Variants in PTPRD observed in about 807,000 individuals in gnomAD.
PTPRD encodes protein tyrosine phosphatase receptor type D.
In PTPRD, 34 loss-of-function variants were observed where a neutral mutation model predicts 214.5. The ratio of observed to expected loss-of-function variants is 0.16; its 90% CI spans 0.12 to 0.21. The LOEUF (loss-of-function observed/expected upper bound fraction) is 0.21, where lower values mean the gene tolerates loss of function less well. PTPRD is among the 10% of genes least tolerant of loss of function. The probability of loss-of-function intolerance (pLI) is 1.00; values close to 1 mark genes in which losing one functional copy is unlikely to be tolerated. For missense variants in PTPRD, 2,545 were observed against 2,398.7 expected, an observed-to-expected ratio of 1.06 and a Z score of -1.27; for synonymous variants, 1,128 against 845.7, an observed-to-expected ratio of 1.33 and a Z score of -5.79.
intron 11 of PTPRD, among the ~76,000 whole-genome samples, chr9:8,959,717 C>T (rs1378855471): frequency 6.6e-6 from 1 of 151,984 alleles, no homozygotes. Flanking sequence ...CTTTGGAAAG[C>T]AGCTATATTT....
At chr9:10,578,047 G>C (rs912572973) in intron 2 of PTPRD, among the ~76,000 whole-genome samples, 1 of 151,952 alleles carries the variant, frequency 6.6e-6, no homozygotes, top group African/African-American at 2.4e-5. Flanking sequence ...AAGTAGCTGG[G>C]ATTACAGGTG....
chr9:10,494,521 G>C (rs781639334), intron 2 of PTPRD, among the ~76,000 whole-genome samples: 19 of 151,614 alleles, frequency 1.3e-4, no homozygotes, highest in African/African-American at 3.6e-4. Flanking sequence ...CAAGAGGTCA[G>C]ATGACTTGAT....
At chr9:10,121,894 T>A (rs570351163) in intron 3 of PTPRD, among the ~76,000 whole-genome samples, 1 of 152,194 alleles carries the variant, frequency 6.6e-6, no homozygotes, top group Admixed American at 6.5e-5. Context: ...CACTCTGACT[T>A]TGACTACAAT....
At position 9,156,816 on chromosome 9, in the gene PTPRD, G is replaced by C. The variant is rs116894944; in HGVS notation, c.-143+26488C>G. Among the ~76,000 whole-genome samples the C allele has an allele frequency of 2.7e-4, 41 of 152,254 alleles. No individual in the cohort carries two copies. In the East Asian group the frequency reaches 6.4e-3, roughly 24 times the overall value. ...CACAGGAAAACAACACCTGATTTTT[G>C]ATCAATTTGGCTGGTAAGTGTTACT... On this transcript the variant is annotated intron_variant, in intron 10 of 45. Coordinates refer to ENST00000381196, the MANE Select transcript of PTPRD (RefSeq NM_002839.4).
chr9:9,148,042 AG>A (rs2099871611), intron 10 of PTPRD, among the ~76,000 whole-genome samples: 1 of 152,224 alleles, frequency 6.6e-6, no homozygotes, highest in Non-Finnish European at 1.5e-5. Flanking sequence ...TTGAAAATAT[AG>A]GTTAATACGC....
At chr9:8,451,963 G>C (rs1220743241) in intron 33 of PTPRD, 6 of 429,206 alleles carry the variant, frequency 1.4e-5, no homozygotes, top group Middle Eastern at 3.4e-4. Context: ...CACTGAGCTG[G>C]AGGGTAGAAA....
At chr9:8,582,310 A>C (rs372575515) in intron 14 of PTPRD, among the ~76,000 whole-genome samples, 2 of 152,246 alleles carry the variant, frequency 1.3e-5, no homozygotes, top group East Asian at 3.8e-4. Flanking sequence ...GTGAAAAAGT[A>C]AATCTGTTAG....
chr9:8,971,721 A>G (rs1024936326), intron 11 of PTPRD, among the ~76,000 whole-genome samples: 3 of 151,282 alleles, frequency 2.0e-5, no homozygotes, highest in Non-Finnish European at 3.0e-5. Context: ...TAATAATTAA[A>G]TATTTATTGA....
Position 9,615,406 on chromosome 9 carries a change from G to A in PTPRD, c.-286-40625C>T, listed in dbSNP as rs117197630. Among the ~76,000 whole-genome samples the A allele has an allele frequency of 1.1e-3, 163 of 152,200 alleles. 2 individuals carry two copies. In the East Asian group the frequency reaches 0.029, roughly 27 times the overall value. On this transcript the variant is annotated intron_variant, in intron 7 of 45. Coordinates refer to ENST00000381196, the MANE Select transcript of PTPRD (RefSeq NM_002839.4). ...AAGCAGCACCAGACAGCTCCAGCCCGGCCAAACCAGTAAACATCTCTGCTC... is the reference window on the plus strand; with the variant it reads ...AAGCAGCACCAGACAGCTCCAGCCCAGCCAAACCAGTAAACATCTCTGCTC...
At chr9:10,499,702 C>G (rs1161291460) in intron 2 of PTPRD, among the ~76,000 whole-genome samples, 1 of 151,740 alleles carries the variant, frequency 6.6e-6, no homozygotes, top group African/African-American at 2.4e-5. Context: ...GTCTTATTTT[C>G]AAACTAAATT....
At chr9:9,395,783 A>G (rs932999470) in intron 9 of PTPRD, among the ~76,000 whole-genome samples, 1 of 152,016 alleles carries the variant, frequency 6.6e-6, no homozygotes, top group Non-Finnish European at 1.5e-5. Context: ...AACCAAAAGC[A>G]TTTTATCACA....
At chr9:8,882,926 A>G (rs1035879573) in intron 11 of PTPRD, among the ~76,000 whole-genome samples, 3 of 151,254 alleles carry the variant, frequency 2.0e-5, no homozygotes, top group Non-Finnish European at 2.9e-5. Flanking sequence ...TCTGAAGTCA[A>G]TCTAAAGTAA....
At chr9:9,434,571 T>C (rs1475995742) in intron 8 of PTPRD, among the ~76,000 whole-genome samples, 1 of 151,980 alleles carries the variant, frequency 6.6e-6, no homozygotes, top group African/African-American at 2.4e-5. Flanking sequence ...ATCAAAGCAA[T>C]CCTGAGCAAA....
chr9:10,128,433 A>G (rs1330230257), intron 3 of PTPRD, among the ~76,000 whole-genome samples: 1 of 152,138 alleles, frequency 6.6e-6, no homozygotes, highest in African/African-American at 2.4e-5. Flanking sequence ...ATGATGCAGC[A>G]GAAGTCAAGG....
chr9:9,505,577 C>G (rs1639829742), intron 8 of PTPRD, among the ~76,000 whole-genome samples: 1 of 151,314 alleles, frequency 6.6e-6, no homozygotes, highest in South Asian at 2.1e-4. Context: ...AGATATGGCT[C>G]AAGAAGCAAA....
intron 5 of PTPRD, among the ~76,000 whole-genome samples, chr9:9,801,246 A>G (rs924864618): frequency 1.3e-5 from 2 of 152,110 alleles, no homozygotes; most frequent in African/African-American, 2.4e-5. Context: ...TTTCATGCAT[A>G]TAAGTCCTCT....
intron 2 of PTPRD, among the ~76,000 whole-genome samples, chr9:10,511,458 C>A (rs1019208242): frequency 1.3e-5 from 2 of 151,928 alleles, no homozygotes; most frequent in Non-Finnish European, 2.9e-5. Flanking sequence ...GGCTGTAGTG[C>A]GATGGTGCTA....
chr9:10,253,997 T>C (rs997824671), intron 3 of PTPRD, among the ~76,000 whole-genome samples: 2 of 152,142 alleles, frequency 1.3e-5, no homozygotes, highest in Non-Finnish European at 2.9e-5. Context: ...TAGCAATACA[T>C]ATGTAATTAT....
At chr9:8,367,309 T>C (rs577599451) in intron 39 of PTPRD, among the ~76,000 whole-genome samples, 17 of 152,286 alleles carry the variant, frequency 1.1e-4, no homozygotes, top group Non-Finnish European at 2.1e-4. Flanking sequence ...TTAGTTTTAT[T>C]ACCATAAGCA....
Sources: allele counts gnomAD v4.1 joint callset (sites outside exome capture counted in the v4.1 genomes callset), GRCh38; gene constraint gnomAD v4.1.1; transcripts MANE v1.5; gene names NCBI Gene and HGNC (gene_info 2026-07-23, HGNC 2026-07-21).